The following CDA variants were observed in gnomAD, a reference collection of about 807,000 sequenced individuals.
The protein encoded by CDA is cytidine aminohydrolase.
CDA carries 7 observed loss-of-function variants against 15.0 expected under a neutral mutation model. That is an observed-to-expected ratio of 0.47 (90% confidence interval 0.26 to 0.87). The LOEUF (loss-of-function observed/expected upper bound fraction) is 0.87. Among genes scored for constraint, CDA ranks in the 40% least tolerant of loss-of-function variants. The pLI, the probability that CDA is intolerant of heterozygous loss-of-function variation, is 0.15. For missense variants in CDA, 159 were observed against 182.7 expected (o/e 0.87, Z 0.75); for synonymous variants, 58 against 73.0 (o/e 0.79, Z 1.05).
chr1:20,618,542 C>A lies in CDA; in HGVS notation c.415C>A (p.Pro139Thr). The A allele has an allele frequency of 6.2e-7, 1 of 1,610,112 alleles. No individual in the cohort carries two copies. The highest frequency in any genetic ancestry group is 8.5e-7 in the Non-Finnish European group (1 of 1,176,414). ...GGAGCTGCTGCCCTCCTCCTTTGGG[C>A]CTGAGGACCTGCAGAAGACCCAGTG... ...VQELLPSSFGPEDLQKTQ is the reference protein window; with the variant it reads ...VQELLPSSFGTEDLQKTQ Residue 139 changes from proline to threonine, a missense_variant, in exon 4 of 4, where the codon CCT becomes ACT. Transcript: ENST00000375071.
chr1:20,599,632 T>TAAAATAAAAC (rs2052622655), intron 1 of CDA, among the ~76,000 whole-genome samples: 1 of 145,692 alleles, frequency 6.9e-6, no homozygotes, highest in African/African-American at 2.7e-5. Context: ...TAAAATAAAA[T>TAAAATAAAAC]AAAATAAAAT....
chr1:20,617,697 ATT>A (rs147364706), intron 3 of CDA, among the ~76,000 whole-genome samples: 45,509 of 142,648 alleles, frequency 0.32, 7,323 homozygotes, highest in African/African-American at 0.37. Context: ...ATTTTATTTT[ATT>A]TTTTTTTTTT....
chr1:20,598,719 GC>G (rs1209341048), intron 1 of CDA, among the ~76,000 whole-genome samples: 3 of 152,162 alleles, frequency 2.0e-5, no homozygotes, highest in African/African-American at 4.8e-5. Flanking sequence ...CATGGGGGCT[GC>G]CCCCTCACGA....
Position 20,613,799 on chromosome 1 carries a change from C to T in CDA, c.267-43C>T, listed in dbSNP as rs138452695. On this transcript the variant is annotated intron_variant, in intron 2 of 3. Coordinates refer to ENST00000375071, the MANE Select transcript of CDA (RefSeq NM_001785.3). ...CTGAATCTTAGCAATTGTCCTCAGTCCTTGGGAGAGACTAATTTGAGTTTG... is the reference window on the plus strand; with the variant it reads ...CTGAATCTTAGCAATTGTCCTCAGTTCTTGGGAGAGACTAATTTGAGTTTG... The T allele has an allele frequency of 1.4e-5, 22 of 1,584,080 alleles. No individual in the cohort carries two copies. The African/African-American group carries it at 3.0e-4, about 21-fold the overall frequency.
In CDA at chr1:20,613,931, A is replaced by G. The variant is rs1320394781; in HGVS notation, c.324+32A>G. 4.4e-6 allele frequency: 7 copies of G among 1,605,672 alleles called. No individual in the cohort carries two copies. In the African/African-American group the frequency reaches 8.0e-5, roughly 18 times the overall value. ...AGCTTCTCTTGCTGTCTGGAATGCA[A>G]ATATCTTCCCTGTCGCAGGCTATGG... is the stretch of plus-strand genomic sequence containing the variant. On this transcript the variant is annotated intron_variant, in intron 3 of 3. Transcript: ENST00000375071.
At chr1:20,589,375 G>C in intron 1 of CDA, 92 bp downstream of exon 1, 1 of 1,270,330 alleles carries the variant, frequency 7.9e-7, no homozygotes, top group Non-Finnish European at 1.1e-6. Flanking sequence ...GGCACAGGCA[G>C]TGGCAAGAGC....
At chr1:20,601,965 C>A (rs2154532276) in intron 1 of CDA, among the ~76,000 whole-genome samples, 1 of 151,886 alleles carries the variant, frequency 6.6e-6, no homozygotes, top group African/African-American at 2.4e-5. Flanking sequence ...CAAAAAAATA[C>A]AAAAAATTAG....
rs375447913 is a variant in CDA, at chr1:20,615,409, G to A, written c.324+1510G>A. On this transcript the variant is annotated intron_variant, in intron 3 of 3. Transcript: ENST00000375071. ...GCAATTAGGGAGGCAGAGGCAGGAG[G>A]ATCGCTTGGGTCCAGGAGTTCGAGA... is the stretch of plus-strand genomic sequence containing the variant. Among the ~76,000 whole-genome samples, 3 of 144,148 alleles carry A rather than the reference G, an allele frequency of 2.1e-5. No homozygotes were observed. The East Asian group carries it at 6.1e-4, about 29-fold the overall frequency. The allele number at this position is 144,148 out of a possible 152,430, so 94.6% of individuals were successfully genotyped here.
chr1:20,607,627 T>C (rs1557549534), intron 2 of CDA, among the ~76,000 whole-genome samples: 1 of 152,174 alleles, frequency 6.6e-6, no homozygotes, highest in Non-Finnish European at 1.5e-5. Flanking sequence ...ATTATCGACT[T>C]TTAAACAAAA....
At chr1:20,594,857 A>T (rs2052579093) in intron 1 of CDA, among the ~76,000 whole-genome samples, 1 of 151,850 alleles carries the variant, frequency 6.6e-6, no homozygotes, top group Non-Finnish European at 1.5e-5. Flanking sequence ...ACGGAAACGG[A>T]GTCAGCTCCG....
intron 2 of CDA, among the ~76,000 whole-genome samples, chr1:20,608,572 G>C (rs1156331655): frequency 6.6e-6 from 1 of 152,076 alleles, no homozygotes; most frequent in Non-Finnish European, 1.5e-5. Context: ...AGCACGCCTG[G>C]CTAATTTTTG....
chr1:20,595,590 G>A (rs2052585449), intron 1 of CDA, among the ~76,000 whole-genome samples: 1 of 152,116 alleles, frequency 6.6e-6, no homozygotes, highest in African/African-American at 2.4e-5. Context: ...CCCCTGCCAA[G>A]GAACTTCAGT....
intron 1 of CDA, among the ~76,000 whole-genome samples, chr1:20,600,753 C>CAAAAA: frequency 8.3e-6 from 1 of 121,112 alleles, no homozygotes; most frequent in Non-Finnish European, 1.7e-5. Flanking sequence ...GACTCTGTCT[C>CAAAAA]AAAAAAAAAA....
chr1:20,613,677 A>T (rs72553954), intron 2 of CDA, among the ~76,000 whole-genome samples, 165 bp from the exon 3 acceptor site: 2,503 of 152,294 alleles, frequency 0.016, 67 homozygotes, highest in African/African-American at 0.056. Context: ...GAAAGCCACC[A>T]CGTGGCCTTC....
rs2101171134 is a variant in CDA at position 20,589,280 on chromosome 1, A to G, written c.151A>G (p.Lys51Glu). The change falls in exon 1 of 4, where the codon AAA becomes GAA. Residue 51 changes from lysine to glutamate, a missense_variant. Physicochemically the swap from Lys to Glu is moderately conservative, Grantham distance 56. Coordinates refer to ENST00000375071, the MANE Select transcript of CDA (RefSeq NM_001785.3). Reference sequence around the variant, plus strand: ...GCTCACCCAGGAGGGGAGAATCTTCAAAGGTAAAGGTGGGCACCCCAGGGT... The same window carrying G: ...GCTCACCCAGGAGGGGAGAATCTTCGAAGGTAAAGGTGGGCACCCCAGGGT... ...ALLTQEGRIFKGCNIENACYP... is the reference protein window; with the variant it reads ...ALLTQEGRIFEGCNIENACYP... 6.2e-7 allele frequency: 1 copy of G among 1,613,780 alleles called. No homozygotes were observed. Among genetic ancestry groups the G allele is most frequent in the South Asian group, 1.1e-5 (1 of 91,080 alleles).
intron 2 of CDA, 124 bp downstream of exon 2, chr1:20,605,163 G>A (rs1190589382): frequency 6.9e-6 from 5 of 725,030 alleles, no homozygotes; most frequent in Non-Finnish European, 1.2e-5. Context: ...TATGTGCCAG[G>A]CACTGTACAG....
intron 1 of CDA, among the ~76,000 whole-genome samples, chr1:20,590,484 A>G (rs1326742109): frequency 1.3e-5 from 2 of 152,170 alleles, no homozygotes; most frequent in African/African-American, 4.8e-5. Flanking sequence ...CACCATTGCA[A>G]CTCACAACAT....
At chr1:20,593,463 C>T (rs1176967502) in intron 1 of CDA, among the ~76,000 whole-genome samples, 8 of 152,216 alleles carry the variant, frequency 5.3e-5, no homozygotes, top group Non-Finnish European at 1.2e-4. Context: ...ACAAACATCA[C>T]CACATCCTTC....
chr1:20,615,470 C>CACA (rs765638534), intron 3 of CDA, among the ~76,000 whole-genome samples: 1 of 113,026 alleles, frequency 8.8e-6, no homozygotes, highest in Non-Finnish European at 1.7e-5. Flanking sequence ...CTGTTCTCCA[C>CACA]AAAAAAAAAA....
Sources: gnomAD v4.1 joint callset for allele counts (sites outside exome capture counted in the v4.1 genomes callset) on GRCh38, gnomAD v4.1.1 for gene constraint, MANE v1.5 for transcripts, NCBI Gene and HGNC (gene_info 2026-07-23, HGNC 2026-07-21) for gene names.